Variants in ADGRB3 observed in about 807,000 individuals in gnomAD.
ADGRB3 encodes the protein adhesion G protein-coupled receptor B3.
ADGRB3 carries 37 observed loss-of-function variants against 193.4 expected under a neutral mutation model. The ratio of observed to expected loss-of-function variants is 0.19; its 90% CI spans 0.15 to 0.25. The LOEUF (loss-of-function observed/expected upper bound fraction) is 0.25, where lower values mean the gene tolerates loss of function less well. ADGRB3 is among the 10% of genes least tolerant of loss of function. The pLI is 1.00. For missense variants in ADGRB3, 1,637 were observed against 1,852.9 expected (o/e 0.88, Z 2.14); for synonymous variants, 690 against 644.2 (o/e 1.07, Z -1.08).
intron 13 of ADGRB3, among the ~76,000 whole-genome samples, chr6:69,039,979 A>G (rs1770981483): frequency 6.6e-6 from 1 of 152,064 alleles, no homozygotes; most frequent in East Asian, 1.9e-4. Context: ...TGACATCGTG[A>G]TCCGCCCGCC....
At chr6:69,267,771 C>A (rs936896278) in intron 20 of ADGRB3, among the ~76,000 whole-genome samples, 4 of 152,006 alleles carry the variant, frequency 2.6e-5, no homozygotes, top group Non-Finnish European at 5.9e-5. Context: ...ATTACATTAC[C>A]CTGCCAAGTG....
intron 17 of ADGRB3, among the ~76,000 whole-genome samples, chr6:69,136,335 T>C (rs947969073): frequency 2.0e-5 from 3 of 152,102 alleles, no homozygotes; most frequent in Admixed American, 2.0e-4. Context: ...TTATAATCCA[T>C]GATGATAACC....
At chr6:68,694,129 G>A (rs1377545362) in intron 3 of ADGRB3, among the ~76,000 whole-genome samples, 2 of 151,942 alleles carry the variant, frequency 1.3e-5, no homozygotes, top group East Asian at 1.9e-4. Flanking sequence ...TTAATCACCA[G>A]GAACACATGG....
At chr6:69,351,434 C>T (rs1305303106) in intron 26 of ADGRB3, among the ~76,000 whole-genome samples, 1 of 152,028 alleles carries the variant, frequency 6.6e-6, no homozygotes, top group East Asian at 1.9e-4. Context: ...TAAAATGGAG[C>T]ATTTAGAATA....
At chr6:68,844,759 C>T (rs1229987834) in intron 3 of ADGRB3, among the ~76,000 whole-genome samples, 1 of 152,094 alleles carries the variant, frequency 6.6e-6, no homozygotes, top group Non-Finnish European at 1.5e-5. Flanking sequence ...AAATTTGGTA[C>T]ATGCACAAAA....
chr6:69,225,563 A>G (rs1294575169), intron 17 of ADGRB3, among the ~76,000 whole-genome samples: 1 of 152,160 alleles, frequency 6.6e-6, no homozygotes, highest in Non-Finnish European at 1.5e-5. Flanking sequence ...TAGGAAAGTC[A>G]CAACCTGTGG....
At chr6:69,040,208 G>A (rs1018755554) in intron 13 of ADGRB3, among the ~76,000 whole-genome samples, 1 of 151,928 alleles carries the variant, frequency 6.6e-6, no homozygotes, top group African/African-American at 2.4e-5. Flanking sequence ...GTAGGCTTTT[G>A]TGATTCTTCT....
chr6:68,839,330 ATC>A (rs1582243303), intron 3 of ADGRB3, among the ~76,000 whole-genome samples: 1 of 152,216 alleles, frequency 6.6e-6, no homozygotes, highest in East Asian at 1.9e-4. Flanking sequence ...ATCAAAATGT[ATC>A]TAAAACTATG....
In ADGRB3 at chr6:69,318,049, GACAACA is replaced by G. The variant is rs578194317; in HGVS notation, c.2815-6821_2815-6816del. On this transcript the variant is annotated intron_variant, in intron 20 of 31. Transcript: ENST00000370598. ...AATAAGGAGATATATTATCTGCAAT[GACAACA>G]ATGTGTATCTTTATTTTTGTCTTTT... 1.8e-4 allele frequency among the ~76,000 whole-genome samples: 27 copies of G among 151,466 alleles called. No homozygotes were observed. The East Asian group carries it at 5.1e-3, about 28-fold the overall frequency.
In ADGRB3 at chr6:68,706,297, G is replaced by C. The variant is rs139064460; in HGVS notation, c.757+66865G>C. Among the ~76,000 whole-genome samples the C allele has an allele frequency of 6.4e-3, 976 of 152,232 alleles. 10 individuals are homozygous for C. The highest frequency in any genetic ancestry group is 0.022 in the African/African-American group (919 of 41,556). Reference sequence around the variant, plus strand: ...TTTTGACCCAGCAATGATGGAGCTGGCTGGGGTGGGGAAGACTAGGGACTG... The same window carrying C: ...TTTTGACCCAGCAATGATGGAGCTGCCTGGGGTGGGGAAGACTAGGGACTG... On this transcript the variant is annotated intron_variant, in intron 3 of 31. Coordinates refer to ENST00000370598, the MANE Select transcript of ADGRB3 (RefSeq NM_001704.3).
chr6:69,019,328 A>C (rs1250416389), intron 13 of ADGRB3, among the ~76,000 whole-genome samples: 1 of 152,056 alleles, frequency 6.6e-6, no homozygotes, highest in African/African-American at 2.4e-5. Flanking sequence ...TTAAATAAAG[A>C]TATTTTGCCC....
intron 3 of ADGRB3, among the ~76,000 whole-genome samples, chr6:68,930,234 C>T (rs1767301864): frequency 6.6e-6 from 1 of 151,932 alleles, no homozygotes; most frequent in African/African-American, 2.4e-5. Flanking sequence ...TCTAAAAAAA[C>T]AACAGTTAAC....
chr6:69,045,186 C>T lies in ADGRB3; in HGVS notation c.2108-2999C>T, dbSNP rs185250556. 3.4e-3 allele frequency among the ~76,000 whole-genome samples: 521 copies of T among 152,116 alleles called. 1 individual carries two copies. Among genetic ancestry groups the T allele is most frequent in the African/African-American group, 0.012 (484 of 41,490 alleles). Reference sequence around the variant, plus strand: ...CTGAAGAAGGAAAGGGATTGAAGGTCGGATTGTTCTAGTGTCTTGTACAAG... The same window carrying T: ...CTGAAGAAGGAAAGGGATTGAAGGTTGGATTGTTCTAGTGTCTTGTACAAG... On this transcript the variant is annotated intron_variant, in intron 13 of 31. Transcript: ENST00000370598.
chr6:68,971,627 T>C (rs1768571635), intron 8 of ADGRB3, among the ~76,000 whole-genome samples: 1 of 152,200 alleles, frequency 6.6e-6, no homozygotes, highest in South Asian at 2.1e-4. Flanking sequence ...CTGCAGGAGA[T>C]CCTGGTACAA....
chr6:69,058,798 T>C (rs942577769), intron 15 of ADGRB3, among the ~76,000 whole-genome samples: 1 of 152,146 alleles, frequency 6.6e-6, no homozygotes, highest in African/African-American at 2.4e-5. Context: ...TCCATTGTAG[T>C]CGGAAAAGAT....
intron 11 of ADGRB3, among the ~76,000 whole-genome samples, chr6:69,003,973 C>T (rs181179636): frequency 4.6e-5 from 7 of 152,156 alleles, no homozygotes; most frequent in Admixed American, 2.0e-4. Flanking sequence ...TTAGTTTGGT[C>T]GAGTTTTTAA....
At chr6:68,643,462 G>A (rs867974246) in intron 3 of ADGRB3, among the ~76,000 whole-genome samples, 4 of 29,354 alleles carry the variant, frequency 1.4e-4, no homozygotes, top group Non-Finnish European at 2.5e-4. Flanking sequence ...TTTTTTTTTC[G>A]TATGTCACTG....
intron 10 of ADGRB3, among the ~76,000 whole-genome samples, chr6:68,984,428 G>A (rs1467642090): frequency 6.6e-6 from 1 of 152,062 alleles, no homozygotes; most frequent in Non-Finnish European, 1.5e-5. Context: ...GAATGTAATT[G>A]GATATGGGAG....
chr6:69,007,193 C>CA (rs1441381418), intron 11 of ADGRB3, among the ~76,000 whole-genome samples: 1 of 152,138 alleles, frequency 6.6e-6, no homozygotes, highest in Non-Finnish European at 1.5e-5. Context: ...TCCTCCCATG[C>CA]AATCTGTCGT....
Sources: gnomAD v4.1 joint callset for allele counts (sites outside exome capture counted in the v4.1 genomes callset) on GRCh38, gnomAD v4.1.1 for gene constraint, MANE v1.5 for transcripts, NCBI Gene and HGNC (gene_info 2026-07-23, HGNC 2026-07-21) for gene names.